Variants in C5 observed in about 807,000 individuals in gnomAD.
C5 encodes complement C5, also known as C3 and PZP-like alpha-2-macroglobulin domain-containing protein 4.
Under a neutral mutation model 218.8 loss-of-function variants are expected in C5, and 140 were observed. The ratio of observed to expected loss-of-function variants is 0.64; its 90% CI spans 0.56 to 0.74. The LOEUF is 0.74. Among genes scored for constraint, C5 ranks in the 30% least tolerant of loss-of-function variants. C5 has a pLI of 0.00. For synonymous variants in C5, 614 were observed against 682.3 expected (o/e 0.90, Z 1.56); for missense variants, 1,700 against 1,969.6 (o/e 0.86, Z 2.59).
Position 120,991,276 on chromosome 9 carries a change from G to A in C5, c.2856C>T (p.Thr952=). The A allele has an allele frequency of 6.3e-7, 1 of 1,593,692 alleles. No individual in the cohort carries two copies. Among genetic ancestry groups the A allele is most frequent in the Non-Finnish European group, 8.6e-7 (1 of 1,161,536 alleles). The change falls in exon 23 of 41, where the codon ACC becomes ACT. Residue 952 remains threonine, a synonymous_variant. Coordinates refer to ENST00000223642, the MANE Select transcript of C5 (RefSeq NM_001735.3). ...VTLDPRGIYG[T]ISRRKEFPYR... The stretch of plus-strand genomic sequence containing the variant: ...ATGGGAACTCCTTTCGTCTGCTAAT[G>A]GTACCTGTAATTTAGAAAATTTGGA...
intron 24 of C5, 80 bp from the exon 25 acceptor site, chr9:120,989,201 A>G: frequency 8.9e-7 from 1 of 1,121,260 alleles, no homozygotes; most frequent in South Asian, 1.2e-5. Context: ...GGCCCTGAGA[A>G]TGGTAAGCTT....
rs372326645 is a variant in C5, at chr9:121,006,906, G to A, written c.2420C>T (p.Thr807Ile). Residue 807 changes from threonine to isoleucine, a missense_variant and splice_region_variant, in exon 19 of 41, where the codon ACT becomes ATT. Coordinates refer to ENST00000223642, the MANE Select transcript of C5 (RefSeq NM_001735.3). Reference protein sequence around the residue: ...WEIQGVGISNTGICVADTVKA... With the variant: ...WEIQGVGISNIGICVADTVKA... ...ATATATCACTTAAACCTGCTTACCA[G>A]TGTTTGAAATGCCAACGCCTTGAAT... The A allele has an allele frequency of 1.6e-4, 260 of 1,594,286 alleles. No individual in the cohort carries two copies. Among genetic ancestry groups the A allele is most frequent in the Admixed American group, 3.0e-4 (18 of 59,966 alleles).
chr9:121,033,313 T>A (rs907200716), intron 5 of C5, among the ~76,000 whole-genome samples: 2 of 152,146 alleles, frequency 1.3e-5, no homozygotes, highest in African/African-American at 4.8e-5. Flanking sequence ...ATTATGACAT[T>A]GAGATAAGTG....
At chr9:121,039,972 G>C (rs187911615) in intron 3 of C5, among the ~76,000 whole-genome samples, 1 of 152,224 alleles carries the variant, frequency 6.6e-6, no homozygotes, top group Non-Finnish European at 1.5e-5. Flanking sequence ...ATTATGCTAC[G>C]TACTGAGATA....
In C5 at chr9:121,023,412, G is replaced by A. The variant is rs2047383922; in HGVS notation, c.1108C>T (p.Pro370Ser). 2 of 1,597,130 alleles carry A rather than the reference G, an allele frequency of 1.3e-6. No homozygotes were observed. Reference sequence around the variant, plus strand: ...CCCCTCACCCAATCTACCTTGATGGGATATGGAATCCCAGGCTTCAGGAAA... The same window carrying A: ...CCCCTCACCCAATCTACCTTGATGGAATATGGAATCCCAGGCTTCAGGAAA... ...PLFLKPGIPY[P>S]IKVQVKDSLD... is the part of the protein sequence containing the mutation. The change falls in exon 10 of 41, where the codon CCC becomes TCC. Residue 370 changes from proline to serine, a missense_variant. Transcript: ENST00000223642.
At position 120,991,225 on chromosome 9, in the gene C5, G is replaced by A. The variant is rs1238917685; in HGVS notation, c.2907C>T (p.Pro969=). ...FPYRIPLDLV[P]KTEIKRILSV... is the part of the protein sequence containing the mutation. ...TCAAAATCCTTTTGATTTCTGTTTT[G>A]GGGACCAAATCTAAGGGTATCCTGT... The change falls in exon 23 of 41, where the codon CCC becomes CCT. Residue 969 remains proline (P), a synonymous_variant. Transcript: ENST00000223642. 7 of 1,609,318 alleles carry A rather than the reference G, an allele frequency of 4.3e-6. No homozygotes were observed. The highest frequency in any genetic ancestry group is 6.0e-6 in the Non-Finnish European group (7 of 1,175,858).
chr9:121,025,279 T>C (rs1163414691), intron 9 of C5, among the ~76,000 whole-genome samples, 175 bp downstream of exon 9: 1 of 152,188 alleles, frequency 6.6e-6, no homozygotes, highest in African/African-American at 2.4e-5. Flanking sequence ...AGAGCCCTAC[T>C]GCCTTTTTAT....
At chr9:121,072,812 T>TAAAAAAAA in the C5 span, among the ~76,000 whole-genome samples, 24 of 98,582 alleles carry the variant, frequency 2.4e-4, no homozygotes, top group Non-Finnish European at 3.2e-4. Context: ...TTCAAAAAAT[T>TAAAAAAAA]AAAAAAAAAA....
chr9:121,067,301 G>A, the C5 span, among the ~76,000 whole-genome samples: 1 of 151,770 alleles, frequency 6.6e-6, no homozygotes, highest in African/African-American at 2.4e-5. Flanking sequence ...GGTGGCTCAC[G>A]CCTGTAATTC....
chr9:121,013,979 C>A lies in C5; in HGVS notation c.2151G>T (p.Arg717=). 1 of 1,614,190 alleles carries A rather than the reference C, an allele frequency of 6.2e-7. No individual in the cohort carries two copies. Among genetic ancestry groups the A allele is most frequent in the Non-Finnish European group, 8.5e-7 (1 of 1,180,028 alleles). Residue 717 remains arginine (R), a synonymous_variant, in exon 17 of 41, where the codon CGG becomes CGT. Transcript: ENST00000223642. ...NDETCEQRAA[R]ISLGPRCIKA... is the part of the protein sequence containing the mutation. ...TGATGCATCTTGGCCCTAAACTAATCCGTGCAGCTCGCTGCTCACAGGTTT... is the reference window on the plus strand; with the variant it reads ...TGATGCATCTTGGCCCTAAACTAATACGTGCAGCTCGCTGCTCACAGGTTT...
chr9:120,956,066 C>T (rs62578411), intron 39 of C5, among the ~76,000 whole-genome samples: 14 of 151,476 alleles, frequency 9.2e-5, no homozygotes, highest in African/African-American at 2.4e-4. Context: ...GAGGCTGAGG[C>T]GAGTGGATCA....
chr9:121,027,669 C>T (rs1413084748), intron 7 of C5, among the ~76,000 whole-genome samples: 1 of 152,158 alleles, frequency 6.6e-6, no homozygotes, highest in Non-Finnish European at 1.5e-5. Flanking sequence ...GGATCCCTTC[C>T]TTATATCTTA....
intron 39 of C5, among the ~76,000 whole-genome samples, chr9:120,956,720 A>G (rs1465172027): frequency 1.3e-5 from 2 of 152,208 alleles, no homozygotes; most frequent in African/African-American, 4.8e-5. Flanking sequence ...ACGTAGACCA[A>G]TGGAACAGGT....
intron 2 of C5, among the ~76,000 whole-genome samples, chr9:121,045,567 A>G (rs1476090184): frequency 6.6e-6 from 1 of 152,130 alleles, no homozygotes; most frequent in Admixed American, 6.5e-5. Flanking sequence ...TGCAGAGCCC[A>G]TTTTACGTCT....
chr9:120,977,042 A>G (rs2046958856), intron 28 of C5, 137 bp from the exon 29 acceptor site: 1 of 733,220 alleles, frequency 1.4e-6, no homozygotes, highest in Admixed American at 2.1e-5. Flanking sequence ...CCTGAAGATG[A>G]CCAATGCAAA....
chr9:120,980,791 G>T (rs1339623254), intron 27 of C5, among the ~76,000 whole-genome samples: 2 of 151,812 alleles, frequency 1.3e-5, no homozygotes, highest in African/African-American at 4.8e-5. Flanking sequence ...TAGAGACGGG[G>T]TTTCACCGTG....
chr9:120,974,382 G>A (rs143819771), intron 30 of C5, among the ~76,000 whole-genome samples: 8 of 152,270 alleles, frequency 5.3e-5, no homozygotes, highest in Non-Finnish European at 8.8e-5. Flanking sequence ...TGCTCTGTGC[G>A]CTGTTATCTA....
chr9:121,047,856 T>A (rs571773107), intron 1 of C5, among the ~76,000 whole-genome samples: 1 of 152,234 alleles, frequency 6.6e-6, no homozygotes, highest in African/African-American at 2.4e-5. Context: ...AGGAGTTCAG[T>A]TTTTATGATA....
chr9:120,981,129 ATGC>A (rs962281917), intron 27 of C5, among the ~76,000 whole-genome samples: 1 of 152,232 alleles, frequency 6.6e-6, no homozygotes, highest in Non-Finnish European at 1.5e-5. Context: ...GCCTGCTGCG[ATGC>A]TGCTAACATC....
Sources: allele counts gnomAD v4.1 joint callset (sites outside exome capture counted in the v4.1 genomes callset), GRCh38; gene constraint gnomAD v4.1.1; transcripts MANE v1.5; gene names NCBI Gene and HGNC (gene_info 2026-07-23, HGNC 2026-07-21).